PIGL: variants seen among roughly 807,000 people sequenced by gnomAD.
PIGL encodes the protein phosphatidylinositol glycan anchor biosynthesis class L.
PIGL carries 22 observed loss-of-function variants against 31.1 expected under a neutral mutation model. The observed-to-expected ratio is 0.71, with a 90% confidence interval of 0.51 to 1.01. The LOEUF (loss-of-function observed/expected upper bound fraction) is 1.01. Ranked by LOEUF, PIGL falls within the 50% of genes least tolerant of loss-of-function variation. The pLI, the probability that PIGL is intolerant of heterozygous loss-of-function variation, is 0.00. For missense variants in PIGL, 302 were observed against 315.9 expected, an observed-to-expected ratio of 0.96 and a Z score of 0.33; for synonymous variants, 131 against 117.4, an observed-to-expected ratio of 1.12 and a Z score of -0.75.
At chr17:16,297,921 ACG>A (rs1188547468) in intron 2 of PIGL, among the ~76,000 whole-genome samples, 1 of 152,170 alleles carries the variant, frequency 6.6e-6, no homozygotes, top group Non-Finnish European at 1.5e-5. Context: ...GAGGTGAGTG[ACG>A]GGCAAGCAAG....
chr17:16,258,317 C>G (rs2092805601), intron 2 of PIGL, among the ~76,000 whole-genome samples: 1 of 147,444 alleles, frequency 6.8e-6, no homozygotes, highest in South Asian at 2.2e-4. Context: ...GTAGCTGGGA[C>G]TACAGGTGCC....
intron 1 of PIGL, 43 bp from the exon 2 acceptor site, chr17:16,233,928 G>GT: frequency 8.8e-7 from 1 of 1,142,142 alleles, no homozygotes. Flanking sequence ...GGTCTCCACT[G>GT]TTAAAAAAAA....
At chr17:16,245,820 A>ATT (rs35458445) in intron 2 of PIGL, among the ~76,000 whole-genome samples, 4,288 of 140,676 alleles carry the variant, frequency 0.03, 82 homozygotes, top group East Asian at 0.078. Context: ...ATATATATAT[A>ATT]TTTTTTTTTG....
At chr17:16,225,632 G>C (rs1402662281) in intron 1 of PIGL, among the ~76,000 whole-genome samples, 1 of 150,104 alleles carries the variant, frequency 6.7e-6, no homozygotes, top group African/African-American at 2.5e-5. Context: ...CTGGCCTTTT[G>C]TTTTCTTTTG....
At chr17:16,271,002 C>G (rs1406888517) in intron 2 of PIGL, among the ~76,000 whole-genome samples, 4 of 152,168 alleles carry the variant, frequency 2.6e-5, no homozygotes, top group African/African-American at 9.6e-5. Context: ...AATGACTGCT[C>G]AATTCAACAA....
In PIGL at chr17:16,280,290, G is replaced by C. The variant is rs534368615; in HGVS notation, c.336-19598G>C. The stretch of plus-strand genomic sequence containing the variant: ...AGGCTAAGGGTCCTATAAGACTGGA[G>C]AAAGAGGGTTGATGGAAATAGATTA... On this transcript the variant is annotated intron_variant, in intron 2 of 6. Coordinates refer to ENST00000225609, the MANE Select transcript of PIGL (RefSeq NM_004278.4). Among the ~76,000 whole-genome samples, 65 of 152,350 alleles carry C rather than the reference G, an allele frequency of 4.3e-4. 1 individual carries two copies. The highest frequency in any genetic ancestry group is 1.4e-3 in the African/African-American group (60 of 41,572).
intron 2 of PIGL, among the ~76,000 whole-genome samples, chr17:16,235,680 C>T (rs1298844866): frequency 6.0e-5 from 9 of 150,792 alleles, no homozygotes; most frequent in East Asian, 1.9e-4. Context: ...CTTGAACTCC[C>T]GACCTCAGGT....
chr17:16,219,750 G>T (rs2092617686), intron 1 of PIGL, among the ~76,000 whole-genome samples: 1 of 151,972 alleles, frequency 6.6e-6, no homozygotes, highest in Non-Finnish European at 1.5e-5. Flanking sequence ...ATTTTTGGTA[G>T]AGCTGAGGTT....
chr17:16,325,332 C>A (rs1410379415), intron 6 of PIGL, among the ~76,000 whole-genome samples: 64 of 69,258 alleles, frequency 9.2e-4, no homozygotes, highest in East Asian at 2.9e-3. Flanking sequence ...GCAACAGGCT[C>A]AAAAAAAAAA....
At chr17:16,319,167 A>C (rs925247873) in intron 6 of PIGL, among the ~76,000 whole-genome samples, 1 of 130,416 alleles carries the variant, frequency 7.7e-6, no homozygotes, top group Non-Finnish European at 1.6e-5. Flanking sequence ...CAAGGTTGCA[A>C]TGAACCCTGA....
intron 2 of PIGL, among the ~76,000 whole-genome samples, chr17:16,292,208 G>T (rs781070316): frequency 1.5e-4 from 23 of 151,108 alleles, no homozygotes; most frequent in Non-Finnish European, 3.4e-4. Flanking sequence ...CTAATTTTTT[G>T]ATTTTTAGTA....
chr17:16,318,853 C>T (rs1305159751), intron 6 of PIGL, among the ~76,000 whole-genome samples: 10 of 151,696 alleles, frequency 6.6e-5, no homozygotes, highest in Non-Finnish European at 1.2e-4. Context: ...ATCGCATGAA[C>T]CCGGGAGGTG....
At chr17:16,274,488 C>T (rs773359950) in intron 2 of PIGL, among the ~76,000 whole-genome samples, 16 of 152,006 alleles carry the variant, frequency 1.1e-4, no homozygotes, top group Non-Finnish European at 2.1e-4. Flanking sequence ...TTTGGGAGGC[C>T]GAGGCGGGTG....
chr17:16,264,088 C>T (rs1156892220), intron 2 of PIGL, among the ~76,000 whole-genome samples: 11 of 146,664 alleles, frequency 7.5e-5, no homozygotes, highest in African/African-American at 2.8e-4. Context: ...TCTTGGCTCA[C>T]TGCAACCTCT....
At chr17:16,254,739 G>A (rs2092786894) in intron 2 of PIGL, among the ~76,000 whole-genome samples, 1 of 151,950 alleles carries the variant, frequency 6.6e-6, no homozygotes, top group African/African-American at 2.4e-5. Context: ...TGAGTAGCTG[G>A]GACTACAGGC....
intron 3 of PIGL, among the ~76,000 whole-genome samples, chr17:16,311,088 C>T (rs953925821): frequency 3.3e-5 from 5 of 152,114 alleles, no homozygotes; most frequent in East Asian, 1.9e-4. Context: ...AGACCAAGAG[C>T]GAATCCCTTC....
chr17:16,251,635 A>G (rs2092772404), intron 2 of PIGL, among the ~76,000 whole-genome samples: 1 of 151,014 alleles, frequency 6.6e-6, no homozygotes. Context: ...TAAGACCACT[A>G]TATGGGGACT....
At chr17:16,223,413 C>G (rs1466992845) in intron 1 of PIGL, among the ~76,000 whole-genome samples, 1 of 151,866 alleles carries the variant, frequency 6.6e-6, no homozygotes, top group Non-Finnish European at 1.5e-5. Flanking sequence ...CCCATCTCTA[C>G]TAAAAATACA....
intron 2 of PIGL, among the ~76,000 whole-genome samples, chr17:16,254,432 C>G (rs2092785249): frequency 6.6e-6 from 1 of 152,018 alleles, no homozygotes; most frequent in Non-Finnish European, 1.5e-5. Flanking sequence ...CCACACCTGG[C>G]TAATTTTGTA....
Sources: allele counts gnomAD v4.1 joint callset (sites outside exome capture counted in the v4.1 genomes callset), GRCh38; gene constraint gnomAD v4.1.1; transcripts MANE v1.5; gene names NCBI Gene and HGNC (gene_info 2026-07-23, HGNC 2026-07-21).